NCOR1: variants seen among roughly 807,000 people sequenced by gnomAD.
The protein encoded by NCOR1 is protein phosphatase 1, regulatory subunit 109.
In NCOR1, 63 loss-of-function variants were observed where a neutral mutation model predicts 288.1. The ratio of observed to expected loss-of-function variants is 0.22; its 90% confidence interval spans 0.18 to 0.27. The LOEUF is 0.27. Among genes scored for constraint, NCOR1 ranks in the 10% least tolerant of loss-of-function variants. The probability of loss-of-function intolerance (pLI) is 1.00; values close to 1 mark genes in which losing one functional copy is unlikely to be tolerated. For missense variants in NCOR1, 2,397 were observed against 3,019.2 expected, an observed-to-expected ratio of 0.79 and a Z score of 4.83; for synonymous variants, 1,007 against 1,065.9, an observed-to-expected ratio of 0.94 and a Z score of 1.08.
chr17:16,131,090 C>A (rs1474479330), intron 14 of NCOR1, among the ~76,000 whole-genome samples: 1 of 151,872 alleles, frequency 6.6e-6, no homozygotes, highest in East Asian at 1.9e-4. Context: ...CAGGCTCAAG[C>A]GATGCTCCCA....
At chr17:16,130,112 C>G (rs1333997154) in intron 14 of NCOR1, among the ~76,000 whole-genome samples, 1 of 152,172 alleles carries the variant, frequency 6.6e-6, no homozygotes, top group East Asian at 1.9e-4. Flanking sequence ...GGTACCTGTC[C>G]AGCAGAACCT....
Position 16,068,235 on chromosome 17 carries a change from T to C in NCOR1, c.4514-114A>G, listed in dbSNP as rs1362060888. The C allele has an allele frequency of 7.0e-6, 6 of 855,342 alleles. No individual in the cohort carries two copies. The Admixed American group carries it at 1.5e-4, about 21-fold the overall frequency. The allele number at this position is 855,342 out of a possible 1,614,324, so 53.0% of individuals were successfully genotyped here. On this transcript the variant is annotated intron_variant, in intron 31 of 45. Transcript: ENST00000268712. The stretch of plus-strand genomic sequence containing the variant: ...TATATTCATGTATTTGGATCTTCTC[T>C]TTCCACTCAACATTTAACATTCAAT...
intron 22 of NCOR1, among the ~76,000 whole-genome samples, chr17:16,090,727 A>G (rs1221242449): frequency 6.6e-6 from 1 of 152,222 alleles, no homozygotes; most frequent in Admixed American, 6.5e-5. Flanking sequence ...TAACAAGTTT[A>G]AATTTAAAAC....
chr17:16,199,216 A>AACAC lies in NCOR1; in HGVS notation c.-70-4581_-70-4578dup, dbSNP rs148297225. Among the ~76,000 whole-genome samples, 1,131 of 122,182 alleles carry AACAC rather than the reference A, an allele frequency of 9.3e-3. 15 individuals carry two copies. The highest frequency in any genetic ancestry group is 0.021 in the African/African-American group (649 of 30,656). 80.2% of individuals were successfully genotyped at this position (122,182 alleles called of 152,430 possible). The stretch of plus-strand genomic sequence containing the variant: ...CCCAATACAGAAGGAAAAAAAAAAA[A>AACAC]ACACACACACACACACACACACACA... On this transcript the variant is annotated intron_variant, in intron 1 of 45. Coordinates refer to ENST00000268712, the MANE Select transcript of NCOR1 (RefSeq NM_006311.4).
At chr17:16,164,201 A>G (rs1170280777) in intron 5 of NCOR1, among the ~76,000 whole-genome samples, 2 of 150,976 alleles carry the variant, frequency 1.3e-5, no homozygotes, top group African/African-American at 4.9e-5. Context: ...AGATCGCACC[A>G]CTGCACTCCA....
intron 45 of NCOR1, among the ~76,000 whole-genome samples, chr17:16,033,336 C>T: frequency 1.7e-5 from 1 of 57,458 alleles, no homozygotes; most frequent in Middle Eastern, 8.5e-3. Context: ...ACTCCGTCTC[C>T]AAAAAAAAAA....
intron 1 of NCOR1, among the ~76,000 whole-genome samples, chr17:16,212,035 TG>T (rs1568722905): frequency 1.3e-5 from 2 of 152,248 alleles, no homozygotes; most frequent in East Asian, 1.9e-4. Context: ...CCCAGCACTT[TG>T]GGAGGCCAAG....
In NCOR1 at chr17:16,052,811, G is replaced by A. The variant is rs553552356; in HGVS notation, c.6393-3823C>T. On this transcript the variant is annotated intron_variant, in intron 40 of 45. Coordinates refer to ENST00000268712, the MANE Select transcript of NCOR1 (RefSeq NM_006311.4). The stretch of plus-strand genomic sequence containing the variant: ...CACAACAATAAAAAGAAAACTTCCG[G>A]CCAATATCCTTGATGAACATGAATG... 2.6e-5 allele frequency among the ~76,000 whole-genome samples: 4 copies of A among 152,180 alleles called. No individual in the cohort carries two copies. In the East Asian group the frequency reaches 7.7e-4, roughly 29 times the overall value.
chr17:16,200,264 G>T (rs374819133), intron 1 of NCOR1, among the ~76,000 whole-genome samples: 1 of 151,872 alleles, frequency 6.6e-6, no homozygotes, highest in South Asian at 2.1e-4. Flanking sequence ...AAGGCCGGCG[G>T]ATCACAAGGT....
chr17:16,061,673 G>T lies in NCOR1; in HGVS notation c.5609C>A (p.Thr1870Asn). ...AACAGATCTCTTCTCCACCTCCAGG[G>T]TTTTCTGCTCTAGCTGCTGCTGTTC... ...VSEQQQLEQK[T>N]LEVEKRSVQC... Residue 1870 changes from threonine to asparagine, a missense_variant, in exon 37 of 46, where the codon ACC becomes AAC. This residue lies in a region of NCOR1 where 1,872 missense variants were observed against 2,187.8 expected (regional missense o/e 0.86). Coordinates refer to ENST00000268712, the MANE Select transcript of NCOR1 (RefSeq NM_006311.4). 6.2e-7 allele frequency: 1 copy of T among 1,614,234 alleles called. No homozygotes were observed. The highest frequency in any genetic ancestry group is 8.5e-7 in the Non-Finnish European group (1 of 1,180,048).
In NCOR1 at chr17:16,062,273, G is replaced by T; in HGVS notation, c.5222-3C>A. 6.3e-7 allele frequency: 1 copy of T among 1,584,064 alleles called. No homozygotes were observed. Among genetic ancestry groups the T allele is most frequent in the Non-Finnish European group, 8.5e-7 (1 of 1,171,846 alleles). On this transcript the variant is annotated splice_region_variant and splice_polypyrimidine_tract_variant and intron_variant, in intron 35 of 45. Transcript: ENST00000268712. ...AGGTCGGCCAGGCTGTTCTGAGCCT[G>T]CAGAGGTGAAAAAGAGAAAGAAACA...
At chr17:16,079,337 T>C (rs1238491175) in intron 26 of NCOR1, among the ~76,000 whole-genome samples, 1 of 152,170 alleles carries the variant, frequency 6.6e-6, no homozygotes, top group East Asian at 1.9e-4. Flanking sequence ...CTTTAGAAAA[T>C]GCAAGGCACA....
At chr17:16,077,194 C>T (rs2062590148) in intron 26 of NCOR1, among the ~76,000 whole-genome samples, 1 of 151,880 alleles carries the variant, frequency 6.6e-6, no homozygotes, top group East Asian at 1.9e-4. Flanking sequence ...GCCAGGGGTT[C>T]AAGACCAGCC....
intron 3 of NCOR1, among the ~76,000 whole-genome samples, chr17:16,178,279 C>T (rs1026445938): frequency 2.6e-5 from 4 of 151,712 alleles, no homozygotes; most frequent in Non-Finnish European, 5.9e-5. Flanking sequence ...GCAGGCAAAT[C>T]CCAAGGTCAG....
At chr17:16,067,700 T>G (rs2152695151) in intron 32 of NCOR1, among the ~76,000 whole-genome samples, 194 bp downstream of exon 32, 1 of 152,338 alleles carries the variant, frequency 6.6e-6, no homozygotes, top group South Asian at 2.1e-4. Flanking sequence ...TTTTAGTTCT[T>G]TACCGGGTGC....
At position 16,061,857 on chromosome 17, in the gene NCOR1, G is replaced by A. The variant is rs935467091; in HGVS notation, c.5425C>T (p.Leu1809=). Residue 1809 remains leucine (L), a synonymous_variant, in exon 37 of 46, where the codon CTG becomes TTG. Transcript: ENST00000268712. The part of the protein sequence containing the change: ...PAGGPSISQG[L]PASRYNTAAD... ...GCAGTGTTGTAACGGGAGGCTGGCAGGCCTTGGCTTATTGAAGGGCCCCCA... is the reference window on the plus strand; with the variant it reads ...GCAGTGTTGTAACGGGAGGCTGGCAAGCCTTGGCTTATTGAAGGGCCCCCA... The A allele has an allele frequency of 1.9e-6, 3 of 1,612,766 alleles. No homozygotes were observed. In the African/African-American group the frequency reaches 4.0e-5, roughly 22 times the overall value.
chr17:16,168,524 T>C (rs543545232), intron 4 of NCOR1, among the ~76,000 whole-genome samples: 1 of 152,154 alleles, frequency 6.6e-6, no homozygotes, highest in Admixed American at 6.5e-5. Context: ...CTTTATACAC[T>C]GCTGTCAGGA....
rs1973864077 is a variant in NCOR1 at position 16,034,889 on chromosome 17, A to G, written c.7011T>C (p.Ser2337=). 2 of 1,614,160 alleles carry G rather than the reference A, an allele frequency of 1.2e-6. No individual in the cohort carries two copies. Among genetic ancestry groups the G allele is most frequent in the Non-Finnish European group, 1.7e-6 (2 of 1,180,026 alleles). Residue 2337 remains serine (S), a synonymous_variant, in exon 45 of 46, where the codon TCT becomes TCC. Transcript: ENST00000268712. The stretch of plus-strand genomic sequence containing the variant: ...CTAAGTAGCCTTGCCCAGGTATAGG[A>G]GACTTAGATTTCCTGCTGTTTGACT... ...ISKSNSRKSK[S]PIPGQGYLGT...
intron 22 of NCOR1, among the ~76,000 whole-genome samples, chr17:16,090,056 G>T (rs1317088069): frequency 6.6e-6 from 1 of 152,016 alleles, no homozygotes; most frequent in South Asian, 2.1e-4. Flanking sequence ...TCTAAACCAC[G>T]TGTAGTAATG....
Sources: gnomAD v4.1 joint callset for allele counts (sites outside exome capture counted in the v4.1 genomes callset) on GRCh38, gnomAD v4.1.1 for gene constraint, gnomAD v4.1.1 regional missense constraint, MANE v1.5 for transcripts, NCBI Gene and HGNC (gene_info 2026-07-23, HGNC 2026-07-21) for gene names.